MAP2: variants seen among roughly 807,000 people sequenced by gnomAD.
MAP2 encodes microtubule-associated protein 2.
Under a neutral mutation model 137.6 loss-of-function variants are expected in MAP2, and 14 were observed. The observed-to-expected ratio is 0.10, with a 90% CI of 0.07 to 0.16. The LOEUF is 0.16. MAP2 is among the 10% of genes least tolerant of loss of function. The pLI is 1.00. For missense variants in MAP2, 2,088 were observed against 2,191.5 expected, an observed-to-expected ratio of 0.95 and a Z score of 0.94; for synonymous variants, 786 against 782.3, an observed-to-expected ratio of 1.00 and a Z score of -0.08.
intron 12 of MAP2, among the ~76,000 whole-genome samples, chr2:209,707,852 T>C (rs1182257316): frequency 6.6e-6 from 1 of 152,148 alleles, no homozygotes; most frequent in Non-Finnish European, 1.5e-5. Flanking sequence ...TGGAAATGAC[T>C]CCTTAGAAGT....
In MAP2 at chr2:209,731,961, A is replaced by C. The variant is rs1344243907; in HGVS notation, c.*1564A>C. 2.6e-5 allele frequency: 4 copies of C among 152,196 alleles called. No individual in the cohort carries two copies. Among genetic ancestry groups the C allele is most frequent in the Non-Finnish European group, 5.9e-5 (4 of 68,032 alleles). The allele number at this position is 152,196 out of a possible 1,614,324, so 9.4% of individuals were successfully genotyped here. On this transcript the variant is annotated 3_prime_UTR_variant, in exon 16 of 16. Transcript: ENST00000682079. ...ATATACAGTCTAGAACTCACAAATC[A>C]ATTAGTTCCTCTCACAAATCATTCA...
intron 1 of MAP2, among the ~76,000 whole-genome samples, chr2:209,455,192 G>C (rs1575234975): frequency 6.6e-6 from 1 of 152,130 alleles, no homozygotes; most frequent in African/African-American, 2.4e-5. Flanking sequence ...ACATAATTTA[G>C]TCCTTAATGT....
chr2:209,459,533 C>T (rs1476121998), intron 1 of MAP2, among the ~76,000 whole-genome samples: 1 of 152,190 alleles, frequency 6.6e-6, no homozygotes, highest in Non-Finnish European at 1.5e-5. Context: ...AGTGCATCAT[C>T]CCATTCTGCC....
At chr2:209,704,497 C>T in intron 11 of MAP2, 3 of 1,612,522 alleles carry the variant, frequency 1.9e-6, no homozygotes, top group Non-Finnish European at 2.5e-6. Context: ...GCACAAAGTC[C>T]CCAAGATACA....
intron 4 of MAP2, among the ~76,000 whole-genome samples, chr2:209,649,362 G>A (rs574205206): frequency 6.6e-6 from 1 of 152,058 alleles, no homozygotes; most frequent in South Asian, 2.1e-4. Context: ...AAAGAGATTT[G>A]GGTAAAAATA....
At chr2:209,703,306 A>C (rs961897163) in intron 11 of MAP2, among the ~76,000 whole-genome samples, 1 of 152,118 alleles carries the variant, frequency 6.6e-6, no homozygotes, top group Non-Finnish European at 1.5e-5. Context: ...AAATTTTCTC[A>C]ATCTTTAAAA....
intron 1 of MAP2, among the ~76,000 whole-genome samples, chr2:209,485,203 C>T (rs891825083): frequency 2.6e-5 from 4 of 152,160 alleles, no homozygotes; most frequent in Admixed American, 6.5e-5. Flanking sequence ...CATTGGGCAG[C>T]GTTTTGGTGG....
intron 2 of MAP2, among the ~76,000 whole-genome samples, chr2:209,559,477 T>TAA (rs2071474649): frequency 4.1e-5 from 1 of 24,216 alleles, no homozygotes. Flanking sequence ...CTGCCAAAAA[T>TAA]ACAAAAAAAA....
Position 209,725,702 on chromosome 2 carries a change from C to T in MAP2, c.5074-7C>T. On this transcript the variant is annotated splice_region_variant and splice_polypyrimidine_tract_variant and intron_variant, in intron 13 of 15. Coordinates refer to ENST00000682079, the MANE Select transcript of MAP2 (RefSeq NM_001375505.1). ...TATTTTAAGCATGTTTTATGTGGTT[C>T]ACATAGGTACAAATTGTTACCAAGA... is the stretch of plus-strand genomic sequence containing the variant. 1 of 1,579,632 alleles carries T rather than the reference C, an allele frequency of 6.3e-7. No individual in the cohort carries two copies. Among genetic ancestry groups the T allele is most frequent in the Non-Finnish European group, 8.6e-7 (1 of 1,162,152 alleles).
chr2:209,497,833 C>G (rs949407960), intron 1 of MAP2, among the ~76,000 whole-genome samples: 1 of 152,162 alleles, frequency 6.6e-6, no homozygotes. Flanking sequence ...GATCCAAACC[C>G]CTCCTACTAG....
chr2:209,492,159 A>G (rs188276062), intron 1 of MAP2, among the ~76,000 whole-genome samples: 1 of 54,518 alleles, frequency 1.8e-5, no homozygotes, highest in East Asian at 3.1e-4. Context: ...CAATAAATGT[A>G]ATCCATCACA....
Position 209,566,995 on chromosome 2 carries a change from T to C in MAP2, c.-171-13041T>C, listed in dbSNP as rs148838743. Among the ~76,000 whole-genome samples, 612 of 152,320 alleles carry C rather than the reference T, an allele frequency of 4.0e-3. 5 individuals carry two copies. The highest frequency in any genetic ancestry group is 0.014 in the African/African-American group (566 of 41,576). ...AGGCATCACCTGCTTTTTTCTAATA[T>C]GTCATCTATATGCGTATAAGCATTA... On this transcript the variant is annotated intron_variant, in intron 2 of 15. Transcript: ENST00000682079.
In MAP2 at chr2:209,729,852, G is replaced by A. The variant is rs1210962424; in HGVS notation, c.5158G>A (p.Gly1720Ser). ...SLKNIRHRPG[G>S]GRVKIESVKL... ...TCAAGGTATTTCTTCCCTCATAGGT[G>A]GCGGACGTGTGAAAATTGAGAGTGT... The change falls in exon 15 of 16, where the codon GGC becomes AGC. Residue 1720 changes from glycine to serine, a missense_variant and splice_region_variant. Coordinates refer to ENST00000682079, the MANE Select transcript of MAP2 (RefSeq NM_001375505.1). The A allele has an allele frequency of 6.2e-7, 1 of 1,604,254 alleles. No individual in the cohort carries two copies. Among genetic ancestry groups the A allele is most frequent in the Non-Finnish European group, 8.5e-7 (1 of 1,171,704 alleles).
At chr2:209,702,411 AT>A (rs1559615384) in intron 11 of MAP2, among the ~76,000 whole-genome samples, 1 of 151,340 alleles carries the variant, frequency 6.6e-6, no homozygotes, top group Non-Finnish European at 1.5e-5. Context: ...CTTTTATTTG[AT>A]TTAGCTCTAA....
At chr2:209,518,713 T>TA (rs2062866163) in intron 2 of MAP2, among the ~76,000 whole-genome samples, 1 of 152,034 alleles carries the variant, frequency 6.6e-6, no homozygotes, top group Non-Finnish European at 1.5e-5. Flanking sequence ...ACAGAATAGT[T>TA]ACATAGATAT....
intron 13 of MAP2, among the ~76,000 whole-genome samples, chr2:209,720,551 A>G (rs1356698546): frequency 6.6e-6 from 1 of 150,526 alleles, no homozygotes; most frequent in Non-Finnish European, 1.5e-5. Flanking sequence ...AGGCAGGAGA[A>G]TGGCGTGAAC....
At chr2:209,636,564 T>A (rs1020156790) in intron 4 of MAP2, among the ~76,000 whole-genome samples, 5 of 79,516 alleles carry the variant, frequency 6.3e-5, no homozygotes, top group African/African-American at 2.8e-4. Flanking sequence ...ACGTATATAT[T>A]ATATATATAT....
At chr2:209,704,989 A>C (rs578244729) in intron 11 of MAP2, among the ~76,000 whole-genome samples, 4 of 151,492 alleles carry the variant, frequency 2.6e-5, no homozygotes, top group South Asian at 4.1e-4. Context: ...TATAATAGAT[A>C]ATTTAAACTA....
chr2:209,434,833 CTATATA>C lies in MAP2; in HGVS notation c.-222+10567_-222+10572del, dbSNP rs869181860. 5.3e-4 allele frequency among the ~76,000 whole-genome samples: 49 copies of C among 93,184 alleles called. 1 individual carries two copies. Among genetic ancestry groups the C allele is most frequent in the African/African-American group, 1.5e-3 (38 of 25,238 alleles). 61.1% of individuals were successfully genotyped at this position (93,184 alleles called of 152,430 possible). On this transcript the variant is annotated intron_variant, in intron 1 of 15. Transcript: ENST00000682079. ...CCAGATCCTCTCTCTCTCTCTCTCT[CTATATA>C]TATATATATGTTATATATATATGTT... is the stretch of plus-strand genomic sequence containing the variant.
Sources: allele counts gnomAD v4.1 joint callset (sites outside exome capture counted in the v4.1 genomes callset), GRCh38; gene constraint gnomAD v4.1.1; transcripts MANE v1.5; gene names NCBI Gene and HGNC (gene_info 2026-07-23, HGNC 2026-07-21).